Variants in EEFSEC observed in about 807,000 individuals in gnomAD.
EEFSEC encodes the protein eukaryotic elongation factor, selenocysteine-tRNA specific.
EEFSEC carries 43 observed loss-of-function variants against 42.1 expected under a neutral mutation model. That is an observed-to-expected ratio of 1.02 (90% CI 0.80 to 1.32). EEFSEC has a LOEUF of 1.32. EEFSEC is among the 40% of genes most tolerant of loss of function. The pLI, the probability that EEFSEC is intolerant of heterozygous loss-of-function variation, is 0.00. For missense variants in EEFSEC, 745 were observed against 803.6 expected, an observed-to-expected ratio of 0.93 and a Z score of 0.88; for synonymous variants, 354 against 339.1, an observed-to-expected ratio of 1.04 and a Z score of -0.48.
chr3:128,409,691 TC>T (rs2068160442), downstream of EEFSEC, among the ~76,000 whole-genome samples: 1 of 152,198 alleles, frequency 6.6e-6, no homozygotes, highest in African/African-American at 2.4e-5. Context: ...GGGCGGCTTG[TC>T]TGCACTGTGA....
Position 128,246,955 on chromosome 3 carries a change from A to G in EEFSEC, c.436A>G (p.Asn146Asp). 1 of 1,614,174 alleles carries G rather than the reference A, an allele frequency of 6.2e-7. No individual in the cohort carries two copies. Among genetic ancestry groups the G allele is most frequent in the Non-Finnish European group, 8.5e-7 (1 of 1,180,038 alleles). ...IACQKLVVVL[N>D]KIDLLPEGKR... ...CTGCCAGAAGCTGGTCGTGGTGCTG[A>G]ACAAAATAGACCTCTTACCTGAAGG... The change falls in exon 2 of 7, where the codon AAC (asparagine) becomes GAC (aspartate). Residue 146 changes from asparagine (N) to aspartate (D), a missense_variant. Physicochemically the swap from Asn to Asp is conservative, Grantham distance 23 (BLOSUM62 1). Coordinates refer to ENST00000254730, the MANE Select transcript of EEFSEC (RefSeq NM_021937.5).
chr3:128,206,268 G>A (rs2065695519), intron 1 of EEFSEC, among the ~76,000 whole-genome samples: 1 of 152,188 alleles, frequency 6.6e-6, no homozygotes, highest in African/African-American at 2.4e-5. Flanking sequence ...AAACAACCCT[G>A]TGTTAGAATT....
chr3:128,327,731 CA>C, intron 4 of EEFSEC, among the ~76,000 whole-genome samples: 1 of 152,084 alleles, frequency 6.6e-6, no homozygotes, highest in Non-Finnish European at 1.5e-5. Context: ...GGAGGAAGGC[CA>C]GGGGTGAGCA....
intron 6 of EEFSEC, among the ~76,000 whole-genome samples, chr3:128,398,334 C>A (rs373957512): frequency 2.6e-5 from 4 of 152,076 alleles, no homozygotes; most frequent in Non-Finnish European, 5.9e-5. Context: ...TTCCCCAGGC[C>A]GAGGGAGCGC....
chr3:128,213,616 T>C (rs1364622738), intron 1 of EEFSEC, among the ~76,000 whole-genome samples: 1 of 151,828 alleles, frequency 6.6e-6, no homozygotes, highest in Admixed American at 6.6e-5. Flanking sequence ...CAGGTGAAGC[T>C]GGGCAGGACC....
chr3:128,214,793 C>T (rs1307338678), intron 1 of EEFSEC, among the ~76,000 whole-genome samples: 1 of 152,210 alleles, frequency 6.6e-6, no homozygotes, highest in Non-Finnish European at 1.5e-5. Context: ...TGGAAATTAT[C>T]TTGCTCTGTG....
At chr3:128,245,961 A>G (rs1460731066) in intron 1 of EEFSEC, among the ~76,000 whole-genome samples, 1 of 152,174 alleles carries the variant, frequency 6.6e-6, no homozygotes, top group African/African-American at 2.4e-5. Flanking sequence ...GAAATGCTTC[A>G]TGGGCATTCT....
At chr3:128,231,129 C>T (rs1326396789) in intron 1 of EEFSEC, among the ~76,000 whole-genome samples, 5 of 152,088 alleles carry the variant, frequency 3.3e-5, no homozygotes, top group African/African-American at 2.4e-5. Flanking sequence ...TTTAGTGAGC[C>T]CTCATTGTGG....
At chr3:128,256,395 A>G (rs976487602) in intron 2 of EEFSEC, among the ~76,000 whole-genome samples, 3 of 152,254 alleles carry the variant, frequency 2.0e-5, no homozygotes, top group Non-Finnish European at 2.9e-5. Flanking sequence ...TGACACATTC[A>G]TGCCTTAAAC....
chr3:128,277,100 C>G (rs1192079776), intron 4 of EEFSEC, among the ~76,000 whole-genome samples: 1 of 152,256 alleles, frequency 6.6e-6, no homozygotes, highest in East Asian at 1.9e-4. Context: ...CAGACCACAC[C>G]TGCAGTCTGT....
chr3:128,239,303 G>A (rs564117074), intron 1 of EEFSEC, among the ~76,000 whole-genome samples: 2 of 152,332 alleles, frequency 1.3e-5, no homozygotes, highest in East Asian at 3.9e-4. Context: ...AAGGAAGGAG[G>A]AGGCCAGTTC....
At chr3:128,159,370 C>T (rs1167599757) in intron 1 of EEFSEC, among the ~76,000 whole-genome samples, 2 of 152,222 alleles carry the variant, frequency 1.3e-5, no homozygotes, top group African/African-American at 4.8e-5. Context: ...TTGAAATGGC[C>T]CCCAAGGCCA....
At chr3:128,198,994 G>A (rs1328797124) in intron 1 of EEFSEC, among the ~76,000 whole-genome samples, 1 of 152,122 alleles carries the variant, frequency 6.6e-6, no homozygotes, top group Non-Finnish European at 1.5e-5. Flanking sequence ...ACCGCACCCA[G>A]CTAATTTTTG....
At chr3:128,323,078 A>G (rs1267635761) in intron 4 of EEFSEC, among the ~76,000 whole-genome samples, 1 of 152,114 alleles carries the variant, frequency 6.6e-6, no homozygotes, top group African/African-American at 2.4e-5. Context: ...TGACACCCCA[A>G]CCTCAGGGTA....
intron 1 of EEFSEC, among the ~76,000 whole-genome samples, chr3:128,231,983 C>T (rs1044620844): frequency 6.6e-6 from 1 of 152,148 alleles, no homozygotes; most frequent in Admixed American, 6.5e-5. Flanking sequence ...TTGTAATTCA[C>T]ATTCCTGTGT....
At chr3:128,218,428 T>C (rs2065831241) in intron 1 of EEFSEC, among the ~76,000 whole-genome samples, 1 of 152,230 alleles carries the variant, frequency 6.6e-6, no homozygotes, top group South Asian at 2.1e-4. Flanking sequence ...AATTTTTGTC[T>C]TAGTTGCTTT....
intron 4 of EEFSEC, among the ~76,000 whole-genome samples, chr3:128,304,588 A>G (rs1010779109): frequency 2.0e-5 from 3 of 152,110 alleles, no homozygotes; most frequent in Non-Finnish European, 4.4e-5. Context: ...AACAGTGACA[A>G]TTTCCATTCT....
At chr3:128,288,721 G>A (rs570555241) in intron 4 of EEFSEC, among the ~76,000 whole-genome samples, 1 of 152,232 alleles carries the variant, frequency 6.6e-6, no homozygotes, top group Non-Finnish European at 1.5e-5. Context: ...AGATGGAAAT[G>A]TCTTGCCCCA....
intron 6 of EEFSEC, among the ~76,000 whole-genome samples, chr3:128,385,023 A>C (rs1028351661): frequency 6.6e-6 from 1 of 152,176 alleles, no homozygotes; most frequent in South Asian, 2.1e-4. Flanking sequence ...TCCTACCATT[A>C]TGATTTTACC....
Sources: gnomAD v4.1 joint callset for allele counts (sites outside exome capture counted in the v4.1 genomes callset) on GRCh38, gnomAD v4.1.1 for gene constraint, MANE v1.5 for transcripts, NCBI Gene and HGNC (gene_info 2026-07-23, HGNC 2026-07-21) for gene names.